Variants in FAT3 observed in about 807,000 individuals in gnomAD.
FAT3 encodes the protein protocadherin Fat 3.
A neutral mutation model predicts 310.2 loss-of-function variants in FAT3; 95 were observed. That is an observed-to-expected ratio of 0.31 (90% CI 0.26 to 0.36). The LOEUF is 0.36. Ranked by LOEUF, FAT3 falls within the 10% of genes least tolerant of loss-of-function variation. The pLI, the probability that FAT3 is intolerant of heterozygous loss-of-function variation, is 1.00. For synonymous variants in FAT3, 2,314 were observed against 2,192.9 expected (o/e 1.06, Z -1.54); for missense variants, 5,408 against 5,715.6 (o/e 0.95, Z 1.74).
chr11:92,579,789 AGGTTG>A (rs1938688921), intron 3 of FAT3, among the ~76,000 whole-genome samples: 1 of 152,268 alleles, frequency 6.6e-6, no homozygotes, highest in East Asian at 1.9e-4. Flanking sequence ...AAAATATTAG[AGGTTG>A]TAGGATTAGC....
intron 3 of FAT3, among the ~76,000 whole-genome samples, chr11:92,616,305 CT>C (rs564673225): frequency 4.6e-5 from 7 of 151,244 alleles, no homozygotes; most frequent in East Asian, 1.9e-4. Flanking sequence ...GGAACCCCTG[CT>C]TTTTTTTTGT....
intron 11 of FAT3, among the ~76,000 whole-genome samples, chr11:92,806,062 T>C (rs1392946440): frequency 6.6e-6 from 1 of 152,202 alleles, no homozygotes; most frequent in Non-Finnish European, 1.5e-5. Flanking sequence ...GTGTGTGTTA[T>C]GGTTCCACAA....
intron 2 of FAT3, among the ~76,000 whole-genome samples, chr11:92,368,648 A>T (rs888205989): frequency 4.0e-5 from 6 of 151,836 alleles, no homozygotes; most frequent in African/African-American, 1.5e-4. Context: ...TTTTAGCCTA[A>T]TTTCTCCTCC....
chr11:92,565,043 GA>G (rs1359395771), intron 3 of FAT3, among the ~76,000 whole-genome samples: 1 of 144,818 alleles, frequency 6.9e-6, no homozygotes, highest in Non-Finnish European at 1.5e-5. Context: ...AATCAGAGCA[GA>G]ACTGAAGGAA....
chr11:92,531,411 G>C (rs1214088586), intron 3 of FAT3, among the ~76,000 whole-genome samples: 1 of 152,158 alleles, frequency 6.6e-6, no homozygotes, highest in Non-Finnish European at 1.5e-5. Flanking sequence ...TGAGGGTGGG[G>C]GTCATGGGGT....
intron 2 of FAT3, among the ~76,000 whole-genome samples, chr11:92,388,392 T>A (rs1949675651): frequency 6.6e-6 from 1 of 152,144 alleles, no homozygotes; most frequent in Non-Finnish European, 1.5e-5. Context: ...TGCTTATTCC[T>A]CATTTGTTTG....
At chr11:92,732,207 G>C (rs1945201847) in intron 4 of FAT3, among the ~76,000 whole-genome samples, 1 of 152,174 alleles carries the variant, frequency 6.6e-6, no homozygotes, top group African/African-American at 2.4e-5. Context: ...GATGAGTAAA[G>C]ACAATGTACA....
chr11:92,438,828 G>C (rs1020771140), intron 2 of FAT3, among the ~76,000 whole-genome samples: 5 of 152,106 alleles, frequency 3.3e-5, no homozygotes, highest in African/African-American at 1.2e-4. Flanking sequence ...GTAAAGTTTG[G>C]ACTCCAAGTT....
At chr11:92,472,053 A>G (rs569149347) in intron 2 of FAT3, among the ~76,000 whole-genome samples, 2 of 151,048 alleles carry the variant, frequency 1.3e-5, no homozygotes, top group African/African-American at 4.9e-5. Context: ...TTATTTTGGG[A>G]GTTCACATGG....
At chr11:92,699,250 T>C (rs562373590) in intron 4 of FAT3, among the ~76,000 whole-genome samples, 4 of 152,236 alleles carry the variant, frequency 2.6e-5, no homozygotes, top group African/African-American at 9.6e-5. Flanking sequence ...TACAAACATA[T>C]GGTGTGATAC....
At chr11:92,289,766 G>T (rs1946647453) in intron 1 of FAT3, among the ~76,000 whole-genome samples, 1 of 151,962 alleles carries the variant, frequency 6.6e-6, no homozygotes, top group African/African-American at 2.4e-5. Context: ...CTGTCTGTAG[G>T]ATTATTGCAG....
At chr11:92,351,567 ATC>A (rs2134627597) in intron 1 of FAT3, among the ~76,000 whole-genome samples, 1 of 152,242 alleles carries the variant, frequency 6.6e-6, no homozygotes, top group South Asian at 2.1e-4. Context: ...GAAAATGCAC[ATC>A]TTTTATGTCT....
At chr11:92,879,768 TA>T (rs1949630627) in intron 22 of FAT3, among the ~76,000 whole-genome samples, 1 of 152,074 alleles carries the variant, frequency 6.6e-6, no homozygotes, top group Non-Finnish European at 1.5e-5. Context: ...TGCCTAACAC[TA>T]AAATAATCAC....
chr11:92,666,625 G>A (rs1170671235), intron 3 of FAT3, among the ~76,000 whole-genome samples: 1 of 151,688 alleles, frequency 6.6e-6, no homozygotes, highest in Non-Finnish European at 1.5e-5. Context: ...CTCCCAAAGT[G>A]CTGAGATTAC....
chr11:92,639,453 T>C (rs1247996911), intron 3 of FAT3, among the ~76,000 whole-genome samples: 1 of 152,148 alleles, frequency 6.6e-6, no homozygotes, highest in East Asian at 1.9e-4. Context: ...AATGTGGTTG[T>C]GAAAAAAATC....
At chr11:92,557,229 C>A (rs1180345115) in intron 3 of FAT3, among the ~76,000 whole-genome samples, 1 of 151,994 alleles carries the variant, frequency 6.6e-6, no homozygotes, top group African/African-American at 2.4e-5. Flanking sequence ...CCTGGCCTTA[C>A]CATTATGCTG....
chr11:92,233,531 G>T (rs1422209078), intron 1 of FAT3, among the ~76,000 whole-genome samples: 1 of 152,204 alleles, frequency 6.6e-6, no homozygotes, highest in East Asian at 1.9e-4. Flanking sequence ...CCCTTCAAAA[G>T]TTAGCTTCCT....
At position 92,890,615 on chromosome 11, in the gene FAT3, C is replaced by T. The variant is rs759657516; in HGVS notation, c.13272C>T (p.Ser4424=). Residue 4424 remains serine, a synonymous_variant, in exon 28 of 28, where the codon AGC becomes AGT. Coordinates refer to ENST00000525166, the MANE Select transcript of FAT3 (RefSeq NM_001367949.2). The part of the protein sequence containing the change: ...AHQGSTRELE[S]DYYLGGYDID... ...AGGGGAGCACACGGGAGCTGGAGAG[C>T]GATTACTACCTGGGTGGTTATGACA... 15 of 1,613,668 alleles carry T rather than the reference C, an allele frequency of 9.3e-6. No homozygotes were observed. The highest frequency in any genetic ancestry group is 1.6e-4 in the Middle Eastern group (1 of 6,062).
intron 2 of FAT3, among the ~76,000 whole-genome samples, chr11:92,402,206 T>G (rs1950030948): frequency 6.6e-6 from 1 of 152,102 alleles, no homozygotes; most frequent in South Asian, 2.1e-4. Context: ...ATAAAGAATG[T>G]TTTCAACAAG....
Sources: gnomAD v4.1 joint callset for allele counts (sites outside exome capture counted in the v4.1 genomes callset) on GRCh38, gnomAD v4.1.1 for gene constraint, MANE v1.5 for transcripts, NCBI Gene and HGNC (gene_info 2026-07-23, HGNC 2026-07-21) for gene names.